The following DSTN variants were observed in gnomAD, a reference collection of about 807,000 sequenced individuals.
DSTN encodes destrin.
DSTN carries 10 observed loss-of-function variants against 16.8 expected under a neutral mutation model. That is an observed-to-expected ratio of 0.60 (90% confidence interval 0.37 to 1.01). DSTN has a LOEUF of 1.01. DSTN is among the 50% of genes least tolerant of loss of function. The pLI is 0.01. For missense variants in DSTN, 141 were observed against 196.7 expected (o/e 0.72, Z 1.69); for synonymous variants, 57 against 58.9 (o/e 0.97, Z 0.14).
chr20:17,583,843 C>T (rs1365669627), intron 1 of DSTN, among the ~76,000 whole-genome samples: 1 of 140,086 alleles, frequency 7.1e-6, no homozygotes, highest in East Asian at 2.3e-4. Flanking sequence ...CTCAAGTGAT[C>T]CTCCCACCTC....
intron 3 of DSTN, among the ~76,000 whole-genome samples, chr20:17,606,782 T>A (rs1029742810): frequency 3.3e-5 from 5 of 152,244 alleles, no homozygotes; most frequent in Non-Finnish European, 5.9e-5. Context: ...GCTGATTTTG[T>A]ATGCTATACC....
At chr20:17,596,823 C>T in intron 1 of DSTN, 3 of 985,142 alleles carry the variant, frequency 3.0e-6, no homozygotes, top group Non-Finnish European at 3.6e-6. Flanking sequence ...TGAGATTTAT[C>T]TGTTTTATAA....
intron 1 of DSTN, among the ~76,000 whole-genome samples, chr20:17,575,416 C>T (rs561257855): frequency 6.6e-6 from 1 of 151,904 alleles, no homozygotes; most frequent in South Asian, 2.1e-4. Context: ...CTGTCATTTG[C>T]ATATGTAAAC....
At chr20:17,581,706 G>T (rs1044547520) in intron 1 of DSTN, among the ~76,000 whole-genome samples, 5 of 152,256 alleles carry the variant, frequency 3.3e-5, no homozygotes, top group Middle Eastern at 3.4e-3. Flanking sequence ...ATATTTGATG[G>T]TGTCACTATG....
chr20:17,585,948 T>A (rs112467484), intron 1 of DSTN, among the ~76,000 whole-genome samples: 1 of 152,184 alleles, frequency 6.6e-6, no homozygotes, highest in East Asian at 1.9e-4. Flanking sequence ...ATATTTTATT[T>A]TATTATTTAT....
intron 1 of DSTN, among the ~76,000 whole-genome samples, chr20:17,598,364 A>G (rs549542585): frequency 1.1e-4 from 17 of 152,138 alleles, no homozygotes; most frequent in Non-Finnish European, 2.5e-4. Flanking sequence ...GTTATTGTCC[A>G]TCTTTTTTAT....
At position 17,608,990 on chromosome 20, in the gene DSTN, C is replaced by CTAGA. The variant is rs2035671421; in HGVS notation, c.*1845_*1846insAGAT. The CTAGA allele has an allele frequency of 6.6e-6, 1 of 152,278 alleles. No individual in the cohort carries two copies. Among genetic ancestry groups the CTAGA allele is most frequent in the African/African-American group, 2.4e-5 (1 of 41,548 alleles). 9.4% of individuals were successfully genotyped at this position (152,278 alleles called of 1,614,324 possible). A position where few individuals can be genotyped will look rare whatever the true frequency, so the allele number is the denominator to read the frequency against. On this transcript the variant is annotated 3_prime_UTR_variant, in exon 4 of 4. Coordinates refer to ENST00000246069, the MANE Select transcript of DSTN (RefSeq NM_006870.4). ...AGGTTTGTGGTCTAGGAGTAATAGG[C>CTAGA]TCTACCATACAGCCTAGGTGTGTAG...
chr20:17,582,348 G>A (rs901179497), intron 1 of DSTN, among the ~76,000 whole-genome samples: 9 of 152,032 alleles, frequency 5.9e-5, no homozygotes, highest in African/African-American at 2.2e-4. Flanking sequence ...CAAAGTGCTG[G>A]GATTACAGGT....
At chr20:17,599,179 G>GCTAT (rs1473499390) in intron 1 of DSTN, 1 of 152,272 alleles carries the variant, frequency 6.6e-6, no homozygotes, top group African/African-American at 2.4e-5. Context: ...TGCAGCCCTG[G>GCTAT]CTATCTGGGA....
intron 1 of DSTN, among the ~76,000 whole-genome samples, chr20:17,589,114 C>T (rs999647725): frequency 2.0e-5 from 3 of 152,030 alleles, no homozygotes; most frequent in East Asian, 3.9e-4. Flanking sequence ...CTCTTCTTGT[C>T]GTGGTGGACT....
At chr20:17,571,530 CTTT>C (rs1212407812) in intron 1 of DSTN, among the ~76,000 whole-genome samples, 1 of 152,112 alleles carries the variant, frequency 6.6e-6, no homozygotes, top group East Asian at 1.9e-4. Flanking sequence ...CATCTTGAGT[CTTT>C]TTAATATCTA....
intron 1 of DSTN, among the ~76,000 whole-genome samples, chr20:17,589,115 G>A (rs538334309): frequency 3.3e-5 from 5 of 151,926 alleles, no homozygotes; most frequent in Non-Finnish European, 7.4e-5. Context: ...TCTTCTTGTC[G>A]TGGTGGACTT....
At chr20:17,581,353 A>C (rs532570042) in intron 1 of DSTN, among the ~76,000 whole-genome samples, 38 of 152,220 alleles carry the variant, frequency 2.5e-4, no homozygotes, top group African/African-American at 8.7e-4. Flanking sequence ...GCATGGTGGC[A>C]CGTACCTGTA....
At chr20:17,570,919 A>AT (rs1416109668) in intron 1 of DSTN, among the ~76,000 whole-genome samples, 1 of 151,982 alleles carries the variant, frequency 6.6e-6, no homozygotes, top group South Asian at 2.1e-4. Context: ...TATGGTTAGA[A>AT]TTTTTTTTCT....
At chr20:17,575,354 C>T (rs1181896865) in intron 1 of DSTN, among the ~76,000 whole-genome samples, 9 of 152,054 alleles carry the variant, frequency 5.9e-5, no homozygotes, top group Admixed American at 5.9e-4. Context: ...TGATTTTGTC[C>T]ACAGAACAAC....
chr20:17,591,953 G>A (rs979934033), intron 1 of DSTN: 1 of 985,290 alleles, frequency 1.0e-6, no homozygotes, highest in African/African-American at 1.7e-5. Flanking sequence ...ACCCACTAGA[G>A]GCAAAGACGT....
intron 1 of DSTN, chr20:17,596,855 T>G: frequency 1.0e-6 from 1 of 960,204 alleles, no homozygotes; most frequent in African/African-American, 1.8e-5. Context: ...ACATTTACTT[T>G]GTTTTTGATT....
chr20:17,584,292 CAA>C (rs2035382765), intron 1 of DSTN, among the ~76,000 whole-genome samples: 1 of 152,080 alleles, frequency 6.6e-6, no homozygotes, highest in East Asian at 1.9e-4. Context: ...TGCATTTCTT[CAA>C]AAGAGAGTCC....
At chr20:17,571,245 G>A (rs938331079) in intron 1 of DSTN, among the ~76,000 whole-genome samples, 4 of 152,220 alleles carry the variant, frequency 2.6e-5, no homozygotes, top group Non-Finnish European at 5.9e-5. Flanking sequence ...TGCAGGCGTA[G>A]CCTTACCAGA....
Sources: allele counts gnomAD v4.1 joint callset (sites outside exome capture counted in the v4.1 genomes callset), GRCh38; gene constraint gnomAD v4.1.1; transcripts MANE v1.5; gene names NCBI Gene and HGNC (gene_info 2026-07-23, HGNC 2026-07-21).